The following INPP5A variants were observed in gnomAD, a reference collection of about 807,000 sequenced individuals.
The protein encoded by INPP5A is inositol polyphosphate-5-phosphatase A, also known as 43 kDa inositol polyphosphate 5-phophatase.
A neutral mutation model predicts 65.2 loss-of-function variants in INPP5A; 14 were observed. The observed-to-expected ratio is 0.21, with a 90% CI of 0.14 to 0.34. The LOEUF (loss-of-function observed/expected upper bound fraction) is 0.34. Ranked by LOEUF, INPP5A falls within the 10% of genes least tolerant of loss-of-function variation. The pLI, the probability that INPP5A is intolerant of heterozygous loss-of-function variation, is 1.00. For synonymous variants in INPP5A, 207 were observed against 208.3 expected (o/e 0.99, Z 0.05); for missense variants, 431 against 545.6 (o/e 0.79, Z 2.09).
chr10:132,639,245 A>T (rs1461526604), intron 2 of INPP5A, among the ~76,000 whole-genome samples: 1 of 151,874 alleles, frequency 6.6e-6, no homozygotes, highest in Non-Finnish European at 1.5e-5. Context: ...TTTTGTGTGA[A>T]AATGTTTCCC....
intron 2 of INPP5A, among the ~76,000 whole-genome samples, chr10:132,626,262 G>A (rs2072182568): frequency 1.3e-5 from 2 of 152,252 alleles, no homozygotes; most frequent in Non-Finnish European, 2.9e-5. Flanking sequence ...GGTGACACCT[G>A]GGCTATATCC....
intron 11 of INPP5A, among the ~76,000 whole-genome samples, chr10:132,756,041 C>G (rs1846603183): frequency 6.6e-6 from 1 of 152,236 alleles, no homozygotes; most frequent in Admixed American, 6.5e-5. Flanking sequence ...CCCAGAGCTG[C>G]TCATAGGGAC....
Position 132,545,450 on chromosome 10 carries a change from A to G in INPP5A, c.75+7279A>G, listed in dbSNP as rs1436439448. 6.6e-6 allele frequency among the ~76,000 whole-genome samples: 1 copy of G among 152,162 alleles called. No homozygotes were observed. Among genetic ancestry groups the G allele is most frequent in the African/African-American group, 2.4e-5 (1 of 41,448 alleles). ...GACAGCCTCCAGGAAGGTGGCCTCC[A>G]TCCGGGAATGGGGTCCAGGCGGAGG... On this transcript the variant is annotated intron_variant, in intron 1 of 15. Coordinates refer to ENST00000368594, the MANE Select transcript of INPP5A (RefSeq NM_005539.5). The surrounding 1 kb of genome is among the most constrained non-coding windows in gnomAD (Gnocchi z 4.6).
chr10:132,650,543 G>A lies in INPP5A; in HGVS notation c.306+38G>A. On this transcript the variant is annotated intron_variant, in intron 4 of 15. Transcript: ENST00000368594. This position sits in a 1 kb window ranked among gnomAD's most constrained non-coding sequence, Gnocchi z 5.5. ...CGCTGCCTGGTGCAGGGGTCAGACA[G>A]GCTGGCCTTGGCAGAAGCCAGCCCT... 6.9e-7 allele frequency: 1 copy of A among 1,452,712 alleles called. No homozygotes were observed. The allele number at this position is 1,452,712 out of a possible 1,614,324, so 90.0% of individuals were successfully genotyped here.
intron 2 of INPP5A, among the ~76,000 whole-genome samples, chr10:132,610,921 T>A (rs2071936799): frequency 6.6e-6 from 1 of 152,174 alleles, no homozygotes; most frequent in Non-Finnish European, 1.5e-5. Context: ...AGGGGTCTTT[T>A]GAGATTGGGA....
In INPP5A at chr10:132,697,686, C is replaced by A; in HGVS notation, c.371-130C>A. On this transcript the variant is annotated intron_variant, in intron 5 of 15. Coordinates refer to ENST00000368594, the MANE Select transcript of INPP5A (RefSeq NM_005539.5). The surrounding 1 kb of genome is among the most constrained non-coding windows in gnomAD (Gnocchi z 5.6). ...GTCTGTTCTGGGTCGGACCCCTCAT[C>A]AGGGCCTCCTCTCGGGGGGCCTCTC... 1.5e-6 allele frequency: 1 copy of A among 656,922 alleles called. No homozygotes were observed. The highest frequency in any genetic ancestry group is 2.7e-6 in the Non-Finnish European group (1 of 366,458). The allele number at this position is 656,922 out of a possible 1,614,324, so 40.7% of individuals were successfully genotyped here.
intron 1 of INPP5A, among the ~76,000 whole-genome samples, chr10:132,583,412 G>C (rs1188705355): frequency 1.3e-5 from 2 of 152,108 alleles, no homozygotes; most frequent in African/African-American, 4.8e-5. Context: ...CTGCCTCGTT[G>C]GGCTGGTCAG....
intron 1 of INPP5A, among the ~76,000 whole-genome samples, chr10:132,562,894 C>A (rs1271898534): frequency 6.6e-6 from 1 of 152,184 alleles, no homozygotes; most frequent in African/African-American, 2.4e-5. Flanking sequence ...CCTCCTTCCC[C>A]TGCTCTGGTA....
Position 132,704,054 on chromosome 10 carries a change from C to T in INPP5A, c.475-4259C>T. 6.6e-6 allele frequency among the ~76,000 whole-genome samples: 1 copy of T among 151,596 alleles called. No individual in the cohort carries two copies. Among genetic ancestry groups the T allele is most frequent in the Non-Finnish European group, 1.5e-5 (1 of 67,914 alleles). On this transcript the variant is annotated intron_variant, in intron 6 of 15. Transcript: ENST00000368594. This position sits in a 1 kb window ranked among gnomAD's most constrained non-coding sequence, Gnocchi z 4.5. Reference sequence around the variant, plus strand: ...CTTCACCCCCACACACACGCAGCTTCACCCGCATGGGTTCTGAAGGCTTGG... The same window carrying T: ...CTTCACCCCCACACACACGCAGCTTTACCCGCATGGGTTCTGAAGGCTTGG...
chr10:132,560,785 T>G (rs2071194024), intron 1 of INPP5A, among the ~76,000 whole-genome samples: 1 of 152,128 alleles, frequency 6.6e-6, no homozygotes, highest in Non-Finnish European at 1.5e-5. Flanking sequence ...TTAAAAAGTT[T>G]TAGTTTGTAA....
At chr10:132,755,386 GAGC>G (rs904890081) in intron 11 of INPP5A, among the ~76,000 whole-genome samples, 16 of 151,750 alleles carry the variant, frequency 1.1e-4, no homozygotes, top group African/African-American at 2.4e-4. Flanking sequence ...GTGTGCGTGA[GAGC>G]AGGTGTGAGC....
intron 4 of INPP5A, among the ~76,000 whole-genome samples, chr10:132,679,793 C>G (rs562610496): frequency 3.9e-5 from 6 of 152,174 alleles, no homozygotes; most frequent in Non-Finnish European, 8.8e-5. Context: ...GACCATGGAG[C>G]AGAGGGGACA....
intron 11 of INPP5A, among the ~76,000 whole-genome samples, chr10:132,760,420 C>A (rs898675569): frequency 2.4e-4 from 36 of 152,244 alleles, no homozygotes; most frequent in African/African-American, 8.0e-4. Context: ...GAGCTGTGGG[C>A]CCGCTGTGAG....
At chr10:132,652,016 C>T (rs1338429541) in intron 4 of INPP5A, among the ~76,000 whole-genome samples, 1 of 152,132 alleles carries the variant, frequency 6.6e-6, no homozygotes, top group African/African-American at 2.4e-5. Flanking sequence ...TCCTGTCAGC[C>T]TTCCTCCCTC....
At chr10:132,711,474 AGTG>A (rs61531966) in intron 8 of INPP5A, among the ~76,000 whole-genome samples, 26,407 of 152,120 alleles carry the variant, frequency 0.17, 2,408 homozygotes, top group Admixed American at 0.23. Flanking sequence ...GGCTTGCAGC[AGTG>A]ATGAACACAG....
chr10:132,634,398 A>T (rs1422843442), intron 2 of INPP5A, among the ~76,000 whole-genome samples: 1 of 136,694 alleles, frequency 7.3e-6, no homozygotes, highest in African/African-American at 2.8e-5. Context: ...GAGGCATGTC[A>T]TCTCCCTTGG....
At chr10:132,746,844 C>T (rs1846379571) in intron 9 of INPP5A, among the ~76,000 whole-genome samples, 1 of 152,242 alleles carries the variant, frequency 6.6e-6, no homozygotes, top group African/African-American at 2.4e-5. Flanking sequence ...CCACTTTCCG[C>T]ATGAGTGGCC....
chr10:132,683,384 C>T (rs1342495644), intron 4 of INPP5A, among the ~76,000 whole-genome samples: 4 of 151,502 alleles, frequency 2.6e-5, no homozygotes, highest in South Asian at 2.1e-4. Context: ...GTTTAATCTG[C>T]GTGTACACAT....
Position 132,690,435 on chromosome 10 carries a change from T to C in INPP5A, c.350T>C (p.Ile117Thr). 6.2e-7 allele frequency: 1 copy of C among 1,613,020 alleles called. No homozygotes were observed. The highest frequency in any genetic ancestry group is 8.5e-7 in the Non-Finnish European group (1 of 1,179,226). ...TTTCTTCATGAGTCCTTAAAAAACATCTACCAGTTTGACTTTAAAGGTAAG... is the reference window on the plus strand; with the variant it reads ...TTTCTTCATGAGTCCTTAAAAAACACCTACCAGTTTGACTTTAAAGGTAAG... ...FYFLHESLKN[I>T]YQFDFKAKKY... The change falls in exon 5 of 16, where the codon ATC becomes ACC. Residue 117 changes from isoleucine (I) to threonine (T), a missense_variant. By Grantham distance (89) the Ile-to-Thr change is moderately conservative. Transcript: ENST00000368594.
Sources: gnomAD v4.1 joint callset for allele counts (sites outside exome capture counted in the v4.1 genomes callset) on GRCh38, gnomAD v4.1.1 for gene constraint, Gnocchi (gnomAD v3.1) non-coding constraint, MANE v1.5 for transcripts, NCBI Gene and HGNC (gene_info 2026-07-23, HGNC 2026-07-21) for gene names.